PDK3: variants seen among roughly 807,000 people sequenced by gnomAD.
The protein encoded by PDK3 is pyruvate dehydrogenase kinase, isozyme 3.
PDK3 carries 12 observed loss-of-function variants against 32.0 expected under a neutral mutation model. The ratio of observed to expected loss-of-function variants is 0.37; its 90% CI spans 0.24 to 0.61. The LOEUF (loss-of-function observed/expected upper bound fraction) is 0.61, where lower values mean the gene tolerates loss of function less well. Ranked by LOEUF, PDK3 falls within the 20% of genes least tolerant of loss-of-function variation. The pLI, the probability that PDK3 is intolerant of heterozygous loss-of-function variation, is 0.65. For synonymous variants in PDK3, 122 were observed against 116.3 expected (o/e 1.05, Z -0.31); for missense variants, 188 against 316.9 (o/e 0.59, Z 3.09).
chrX:24,478,660 C>A (rs886933296), intron 1 of PDK3, among the ~76,000 whole-genome samples: 5 of 112,068 alleles, frequency 4.5e-5, no homozygotes, highest in Non-Finnish European at 9.4e-5. Context: ...TGAGATTAAA[C>A]CTTTTGCCAT....
downstream of PDK3, among the ~76,000 whole-genome samples, chrX:24,538,874 C>G (rs1922834155): frequency 8.9e-6 from 1 of 111,865 alleles, no homozygotes; most frequent in Non-Finnish European, 1.9e-5. Flanking sequence ...TTTCATCACC[C>G]CAAAAAGAAA....
intron 3 of PDK3, among the ~76,000 whole-genome samples, chrX:24,502,295 G>A (rs767367150): frequency 9.0e-5 from 10 of 111,559 alleles, no homozygotes; most frequent in African/African-American, 2.0e-4. Context: ...TTGTTAGCCC[G>A]CTGTTCCAGT....
chrX:24,512,236 G>A (rs1034724814), intron 5 of PDK3, among the ~76,000 whole-genome samples: 1 of 111,893 alleles, frequency 8.9e-6, no homozygotes, highest in Non-Finnish European at 1.9e-5. Context: ...AAATAAAATG[G>A]AAAATCCTGC....
At chrX:24,539,791 A>G (rs1321462424) in exon 12 of PDK3, 1 of 112,350 alleles carries the variant, frequency 8.9e-6, no homozygotes, top group African/African-American at 3.2e-5. Flanking sequence ...TTTAAAATTC[A>G]TTTGTATATG....
At chrX:24,483,903 G>A (rs893305449) in intron 1 of PDK3, among the ~76,000 whole-genome samples, 8 of 111,253 alleles carry the variant, frequency 7.2e-5, no homozygotes, top group Non-Finnish European at 1.3e-4. Context: ...TTGTAGAGAC[G>A]GGGTTTCACC....
chrX:24,507,009 C>T (rs1922001826), intron 5 of PDK3, among the ~76,000 whole-genome samples: 2 of 109,470 alleles, frequency 1.8e-5, no homozygotes, highest in South Asian at 8.0e-4. Context: ...CGGGGTTTCA[C>T]CATGTTGGCC....
rs184166025 is a variant in PDK3, at chrX:24,472,433, G to T, written c.106+6872G>T. Among the ~76,000 whole-genome samples the T allele has an allele frequency of 3.3e-3, 371 of 111,560 alleles. 1 individual carries two copies. Among genetic ancestry groups the T allele is most frequent in the African/African-American group, 0.012 (360 of 30,778 alleles). On this transcript the variant is annotated intron_variant, in intron 1 of 10. Coordinates refer to ENST00000379162, the MANE Select transcript of PDK3 (RefSeq NM_005391.5). ...ATCTCTTTATAGGTCAATTATTTCT[G>T]ATAGAAATTTAGCCTCTGAATTGAG...
Position 24,503,369 on chromosome X carries a change from T to C in PDK3, c.363T>C (p.Asp121=). The change falls in exon 4 of 11, where the codon GAT becomes GAC. Residue 121 remains aspartate (D), a synonymous_variant. Transcript: ENST00000379162. ...TTAAAGTCAGAAATAGACACAATGA[T>C]GTGGTTCCTACAATGGCACAAGGAG... ...VLIKVRNRHN[D]VVPTMAQGVI... 8.3e-7 allele frequency: 1 copy of C among 1,206,521 alleles called. No individual in the cohort carries two copies.
intron 10 of PDK3, among the ~76,000 whole-genome samples, chrX:24,532,945 G>A (rs1214902071): frequency 4.5e-5 from 5 of 109,941 alleles, no homozygotes; most frequent in Non-Finnish European, 9.5e-5. Flanking sequence ...CTTTTTGAGC[G>A]CCAACGTGAT....
chrX:24,500,799 T>C (rs940978232), intron 3 of PDK3, among the ~76,000 whole-genome samples: 3 of 111,844 alleles, frequency 2.7e-5, no homozygotes, highest in Non-Finnish European at 5.6e-5. Flanking sequence ...ACAAGCTTGT[T>C]GATCATTTAT....
intron 1 of PDK3, among the ~76,000 whole-genome samples, chrX:24,477,569 G>C (rs906689697): frequency 1.8e-5 from 2 of 111,505 alleles, no homozygotes; most frequent in African/African-American, 6.5e-5. Context: ...AACACTGTAT[G>C]TTGGTTTCCT....
At chrX:24,545,164 A>G (rs1159159162) in exon 12 of PDK3, among the ~76,000 whole-genome samples, 1 of 112,207 alleles carries the variant, frequency 8.9e-6, no homozygotes, top group African/African-American at 3.2e-5. Flanking sequence ...AGAGACGCCT[A>G]AGCTCTTCTT....
At chrX:24,476,446 A>G (rs1333718309) in intron 1 of PDK3, among the ~76,000 whole-genome samples, 6 of 111,782 alleles carry the variant, frequency 5.4e-5, no homozygotes, top group Non-Finnish European at 1.1e-4. Flanking sequence ...ATATGCAAAT[A>G]CTCTAGGCCA....
At chrX:24,476,451 A>G (rs935085032) in intron 1 of PDK3, among the ~76,000 whole-genome samples, 2 of 111,976 alleles carry the variant, frequency 1.8e-5, no homozygotes, top group Non-Finnish European at 3.8e-5. Context: ...CAAATACTCT[A>G]GGCCATTTTA....
At chrX:24,479,296 A>T (rs1388970336) in intron 1 of PDK3, among the ~76,000 whole-genome samples, 1 of 111,506 alleles carries the variant, frequency 9.0e-6, no homozygotes, top group Non-Finnish European at 1.9e-5. Flanking sequence ...TTTGTAATAG[A>T]CTCTTCTGGG....
exon 12 of PDK3, chrX:24,549,303 T>C (rs1923055151): frequency 9.0e-6 from 1 of 111,471 alleles, no homozygotes; most frequent in Admixed American, 9.6e-5. Context: ...TAAGTCCTTT[T>C]CAAGCAAGGT....
Position 24,534,106 on chromosome X carries a change from A to G in PDK3, c.*34A>G. The G allele has an allele frequency of 8.5e-7, 1 of 1,172,890 alleles. No homozygotes were observed. Among genetic ancestry groups the G allele is most frequent in the Non-Finnish European group, 1.1e-6 (1 of 873,914 alleles). ...CTTGATTTCCATTACAAAGTATCTGATTTGTCTGAATAAAGGTGTCCCACT... is the reference window on the plus strand; with the variant it reads ...CTTGATTTCCATTACAAAGTATCTGGTTTGTCTGAATAAAGGTGTCCCACT... On this transcript the variant is annotated 3_prime_UTR_variant, in exon 11 of 11. Transcript: ENST00000379162.
chrX:24,543,457 T>C (rs1405127431), exon 12 of PDK3, among the ~76,000 whole-genome samples: 3 of 111,342 alleles, frequency 2.7e-5, no homozygotes, highest in Non-Finnish European at 5.6e-5. Flanking sequence ...TTATTTTATT[T>C]TATTTTTTTC....
chrX:24,543,489 A>T lies in PDK3; in HGVS notation c.*4325A>T, dbSNP rs1264590570. Among the ~76,000 whole-genome samples, 3 of 110,819 alleles carry T rather than the reference A, an allele frequency of 2.7e-5. No individual in the cohort carries two copies. In the Admixed American group the frequency reaches 2.9e-4, roughly 11 times the overall value. ...TTTCAAGATAGTGTCTCACTCTGTC[A>T]CCCAGGCTGGAGTGCAGTGGTGTGA... On this transcript the variant is annotated 3_prime_UTR_variant, in exon 12 of 12. Coordinates refer to the PDK3 transcript ENST00000568479.
Sources: gnomAD v4.1 joint callset for allele counts (sites outside exome capture counted in the v4.1 genomes callset) on GRCh38, gnomAD v4.1.1 for gene constraint, MANE v1.5 for transcripts, NCBI Gene and HGNC (gene_info 2026-07-23, HGNC 2026-07-21) for gene names.